Variants in SDCCAG8 observed in about 807,000 individuals in gnomAD.
SDCCAG8 encodes serologically defined colon cancer antigen 8.
A neutral mutation model predicts 101.8 loss-of-function variants in SDCCAG8; 74 were observed. That is an observed-to-expected ratio of 0.73 (90% CI 0.60 to 0.88). The LOEUF (loss-of-function observed/expected upper bound fraction) is 0.88. Ranked by LOEUF, SDCCAG8 falls within the 40% of genes least tolerant of loss-of-function variation. The pLI, the probability that SDCCAG8 is intolerant of heterozygous loss-of-function variation, is 0.00. For missense variants in SDCCAG8, 787 were observed against 822.6 expected, an observed-to-expected ratio of 0.96 and a Z score of 0.53; for synonymous variants, 281 against 292.9, an observed-to-expected ratio of 0.96 and a Z score of 0.41.
At chr1:243,432,822 C>T (rs1339822948) in intron 16 of SDCCAG8, among the ~76,000 whole-genome samples, 6 of 152,056 alleles carry the variant, frequency 3.9e-5, no homozygotes, top group Non-Finnish European at 8.8e-5. Flanking sequence ...TTTTATGTTA[C>T]AAAGTTCAAA....
chr1:243,293,562 G>T (rs2070488260), intron 6 of SDCCAG8: 1 of 456,094 alleles, frequency 2.2e-6, no homozygotes, highest in African/African-American at 2.0e-5. Context: ...GTCCTTTTGT[G>T]TCTGGCTTAT....
At chr1:243,442,014 C>A (rs1319872886) in intron 16 of SDCCAG8, among the ~76,000 whole-genome samples, 1 of 152,026 alleles carries the variant, frequency 6.6e-6, no homozygotes, top group Non-Finnish European at 1.5e-5. Flanking sequence ...CAAAAAGAGG[C>A]TCTTTAAAGA....
chr1:243,371,457 G>A (rs1008731088), intron 12 of SDCCAG8, among the ~76,000 whole-genome samples: 4 of 152,110 alleles, frequency 2.6e-5, no homozygotes, highest in African/African-American at 9.7e-5. Context: ...CATGAACACA[G>A]AATGGAATTT....
rs2148203336 is a variant in SDCCAG8 at position 243,474,686 on chromosome 1, C to T, written c.1986-14328C>T. Reference sequence around the variant, plus strand: ...CTGCGGTCTGTTCCACCTGCAGAGGCACAATTGCCCAGCGTGGGGTGGAAG... The same window carrying T: ...CTGCGGTCTGTTCCACCTGCAGAGGTACAATTGCCCAGCGTGGGGTGGAAG... On this transcript the variant is annotated intron_variant, in intron 16 of 17. Transcript: ENST00000366541. The surrounding 1 kb of genome is among the most constrained non-coding windows in gnomAD (Gnocchi z 4.7). 6.6e-6 allele frequency among the ~76,000 whole-genome samples: 1 copy of T among 152,320 alleles called. No individual in the cohort carries two copies. The highest frequency in any genetic ancestry group is 3.4e-3 in the Middle Eastern group (1 of 294).
rs1008025014 is a variant in SDCCAG8, at chr1:243,497,073, G to A, written c.2113-2683G>A. Among the ~76,000 whole-genome samples the A allele has an allele frequency of 2.0e-5, 3 of 152,172 alleles. No homozygotes were observed. In the South Asian group the frequency reaches 6.2e-4, roughly 32 times the overall value. On this transcript the variant is annotated intron_variant, in intron 17 of 17. Transcript: ENST00000366541. The stretch of plus-strand genomic sequence containing the variant: ...GAGGGCTCATGTCCCACTGGCATAC[G>A]CACGCTCTACTCTCCTGGACGAGAC...
chr1:243,406,809 C>T (rs2079818580), intron 13 of SDCCAG8, among the ~76,000 whole-genome samples: 1 of 152,158 alleles, frequency 6.6e-6, no homozygotes, highest in Admixed American at 6.5e-5. Flanking sequence ...TCTCAGGGCA[C>T]CTGGTTATCT....
At chr1:243,321,340 G>C (rs1356566485) in intron 9 of SDCCAG8, among the ~76,000 whole-genome samples, 1 of 151,734 alleles carries the variant, frequency 6.6e-6, no homozygotes, top group Non-Finnish European at 1.5e-5. Flanking sequence ...CCCAGGTATT[G>C]AGCATAGTGC....
chr1:243,473,449 T>G (rs1661639919), intron 16 of SDCCAG8, among the ~76,000 whole-genome samples: 1 of 152,186 alleles, frequency 6.6e-6, no homozygotes, highest in Non-Finnish European at 1.5e-5. Flanking sequence ...TAAAAAATTC[T>G]CTTTTAATTC....
At chr1:243,378,622 A>G (rs2077742083) in intron 12 of SDCCAG8, 99 bp from the exon 13 acceptor site, 2 of 1,322,216 alleles carry the variant, frequency 1.5e-6, no homozygotes, top group Admixed American at 2.0e-5. Context: ...ATAATTTTTT[A>G]TCAAATTGAA....
At chr1:243,447,512 G>A (rs993632419) in intron 16 of SDCCAG8, among the ~76,000 whole-genome samples, 3 of 151,888 alleles carry the variant, frequency 2.0e-5, no homozygotes, top group Middle Eastern at 3.4e-3. Flanking sequence ...GTGTGCCTGC[G>A]CACGCACACA....
chr1:243,362,010 CCAAG>C (rs1444277382), intron 12 of SDCCAG8, among the ~76,000 whole-genome samples: 14 of 149,442 alleles, frequency 9.4e-5, no homozygotes, highest in Non-Finnish European at 1.5e-4. Context: ...GAAGAGATGG[CCAAG>C]TGACTGCCTC....
chr1:243,434,171 T>C (rs2081985227), intron 16 of SDCCAG8, among the ~76,000 whole-genome samples: 1 of 152,378 alleles, frequency 6.6e-6, no homozygotes, highest in African/African-American at 2.4e-5. Flanking sequence ...CATACTTGCA[T>C]CAGTGGTATA....
chr1:243,307,630 A>G (rs576020349), intron 7 of SDCCAG8: 30 of 985,142 alleles, frequency 3.0e-5, no homozygotes, highest in Non-Finnish European at 3.6e-5. Flanking sequence ...TTTAAGGAAA[A>G]TGATTTGGGA....
chr1:243,326,550 G>T (rs2074164108), intron 9 of SDCCAG8, among the ~76,000 whole-genome samples: 1 of 152,132 alleles, frequency 6.6e-6, no homozygotes, highest in South Asian at 2.1e-4. Context: ...GGTACATAGG[G>T]ATAGACTGAT....
chr1:243,280,824 T>C (rs543433518), intron 4 of SDCCAG8, among the ~76,000 whole-genome samples: 144 of 152,326 alleles, frequency 9.5e-4, no homozygotes, highest in South Asian at 3.5e-3. Context: ...GGTTTGTACA[T>C]TGTAGTCTGT....
chr1:243,489,282 G>C, intron 17 of SDCCAG8, 142 bp downstream of exon 17: 2 of 1,164,178 alleles, frequency 1.7e-6, no homozygotes, highest in Non-Finnish European at 2.4e-6. Context: ...AGACTGTGCT[G>C]GGCACAGTGC....
At chr1:243,434,101 T>G (rs1010442504) in intron 16 of SDCCAG8, among the ~76,000 whole-genome samples, 2 of 152,268 alleles carry the variant, frequency 1.3e-5, no homozygotes, top group Non-Finnish European at 1.5e-5. Context: ...TAATTTAGCT[T>G]CATCACAATA....
chr1:243,415,593 T>TA, intron 13 of SDCCAG8, 109 bp from the exon 14 acceptor site: 2 of 1,491,268 alleles, frequency 1.3e-6, no homozygotes, highest in Non-Finnish European at 1.9e-6. Context: ...CTTGTCTTCT[T>TA]ATGCTTAACA....
intron 12 of SDCCAG8, among the ~76,000 whole-genome samples, chr1:243,348,202 A>ATTTT (rs74162279): frequency 7.6e-6 from 1 of 131,652 alleles, no homozygotes; most frequent in African/African-American, 3.0e-5. Flanking sequence ...CGCCCGGCTA[A>ATTTT]TTTTTTTTTT....
Sources: allele counts gnomAD v4.1 joint callset (sites outside exome capture counted in the v4.1 genomes callset), GRCh38; gene constraint gnomAD v4.1.1; non-coding constraint Gnocchi (gnomAD v3.1); transcripts MANE v1.5; gene names NCBI Gene and HGNC (gene_info 2026-07-23, HGNC 2026-07-21).